Variants in PEMT observed in about 807,000 individuals in gnomAD.
PEMT encodes the protein phospholipid methyltransferase.
Under a neutral mutation model 27.4 loss-of-function variants are expected in PEMT, and 23 were observed. The observed-to-expected ratio is 0.84, with a 90% CI of 0.60 to 1.19. The LOEUF is 1.19. Ranked by LOEUF, PEMT falls within the 50% of genes most tolerant of loss-of-function variation. The pLI, the probability that PEMT is intolerant of heterozygous loss-of-function variation, is 0.00. For synonymous variants in PEMT, 137 were observed against 139.1 expected (o/e 0.98, Z 0.11); for missense variants, 307 against 310.1 (o/e 0.99, Z 0.07).
In PEMT at chr17:17,571,164, G is replaced by A. The variant is rs527973746; in HGVS notation, c.204+5756C>T. On this transcript the variant is annotated intron_variant, in intron 2 of 6. Coordinates refer to ENST00000255389, the MANE Select transcript of PEMT (RefSeq NM_148172.3). ...TACAAACATATCTGTGCTCTGGAAG[G>A]ACAGAGGTCATTCACTCTCTGAGGA... Among the ~76,000 whole-genome samples, 9 of 151,858 alleles carry A rather than the reference G, an allele frequency of 5.9e-5. No homozygotes were observed. The South Asian group carries it at 1.7e-3, about 28-fold the overall frequency.
At chr17:17,571,642 C>T (rs1911202167) in intron 2 of PEMT, among the ~76,000 whole-genome samples, 1 of 152,152 alleles carries the variant, frequency 6.6e-6, no homozygotes, top group Non-Finnish European at 1.5e-5. Flanking sequence ...GGGCCTGGGG[C>T]CAAGGCCCCT....
At chr17:17,524,883 G>A (rs1190732047) in intron 2 of PEMT, among the ~76,000 whole-genome samples, 2 of 152,204 alleles carry the variant, frequency 1.3e-5, no homozygotes, top group African/African-American at 2.4e-5. Flanking sequence ...GCCGAGGCAG[G>A]TGGATCATGA....
rs762263581 is a variant in PEMT at position 17,564,904 on chromosome 17, C to T, written c.204+12016G>A. ...ACACACACCCCTGCACTGCACACAC[C>T]GGGTGGGGTCCCTGCCTTGGGTCAT... On this transcript the variant is annotated intron_variant, in intron 2 of 6. Coordinates refer to ENST00000255389, the MANE Select transcript of PEMT (RefSeq NM_148172.3). 4.6e-5 allele frequency among the ~76,000 whole-genome samples: 7 copies of T among 152,240 alleles called. No individual in the cohort carries two copies. The South Asian group carries it at 6.2e-4, about 14-fold the overall frequency.
At chr17:17,506,385 G>T in intron 5 of PEMT, 84 bp from the exon 6 acceptor site, 1 of 1,097,266 alleles carries the variant, frequency 9.1e-7, no homozygotes, top group Non-Finnish European at 1.3e-6. Flanking sequence ...GGCCCTTCCT[G>T]CCGTGACCCT....
chr17:17,588,595 G>A (rs1447198986), intron 1 of PEMT, among the ~76,000 whole-genome samples: 1 of 152,118 alleles, frequency 6.6e-6, no homozygotes, highest in Non-Finnish European at 1.5e-5. Context: ...CACCAAGCTG[G>A]AGACATCATC....
chr17:17,560,344 G>A (rs1441310858), intron 2 of PEMT, among the ~76,000 whole-genome samples: 3 of 152,178 alleles, frequency 2.0e-5, no homozygotes, highest in Admixed American at 6.5e-5. Flanking sequence ...CCCCATCCCC[G>A]CCACTCGCCA....
At chr17:17,515,710 C>T (rs1906774483) in intron 3 of PEMT, among the ~76,000 whole-genome samples, 1 of 152,182 alleles carries the variant, frequency 6.6e-6, no homozygotes, top group South Asian at 2.1e-4. Flanking sequence ...TCCGTCCATT[C>T]CACAGGGAAA....
rs73978987 is a variant in PEMT at position 17,588,902 on chromosome 17, G to A, written c.96+2629C>T. On this transcript the variant is annotated intron_variant, in intron 1 of 6. Coordinates refer to ENST00000255389, the MANE Select transcript of PEMT (RefSeq NM_148172.3). ...AGGAGCAAAAGGGCCTTAGTCAGTG[G>A]GGCTGCAGCGGGCACACTCCTCACC... is the stretch of plus-strand genomic sequence containing the variant. 9.9e-3 allele frequency among the ~76,000 whole-genome samples: 1,509 copies of A among 152,346 alleles called. 28 individuals carry two copies. The highest frequency in any genetic ancestry group is 0.034 in the African/African-American group (1,405 of 41,590).
chr17:17,591,847 A>C, upstream of PEMT: 3 of 1,374,642 alleles, frequency 2.2e-6, no homozygotes, highest in Non-Finnish European at 9.4e-7. Context: ...TACAAGTCCC[A>C]GTGTGTTTCG....
intron 3 of PEMT, among the ~76,000 whole-genome samples, chr17:17,515,589 T>C (rs1350072635): frequency 6.6e-6 from 1 of 152,170 alleles, no homozygotes; most frequent in African/African-American, 2.4e-5. Flanking sequence ...AAGTGGCCCC[T>C]TACCCAGTCA....
chr17:17,555,089 G>A (rs1477999454), intron 2 of PEMT, among the ~76,000 whole-genome samples: 4 of 152,068 alleles, frequency 2.6e-5, no homozygotes, highest in African/African-American at 4.8e-5. Flanking sequence ...CCAACTCACT[G>A]GATTCTCACG....
intron 2 of PEMT, among the ~76,000 whole-genome samples, chr17:17,525,368 G>A (rs765376004): frequency 5.9e-5 from 9 of 152,222 alleles, no homozygotes; most frequent in East Asian, 1.9e-4. Context: ...CTGTTATTCC[G>A]AGGCAATCGA....
chr17:17,524,160 G>T (rs1907498395), intron 2 of PEMT, among the ~76,000 whole-genome samples: 1 of 152,232 alleles, frequency 6.6e-6, no homozygotes, highest in Admixed American at 6.5e-5. Flanking sequence ...TTCAGCAGCT[G>T]ATGGACACTT....
rs1249591442 is a variant in PEMT, at chr17:17,574,336, T to TTTA, written c.204+2583_204+2584insTAA. On this transcript the variant is annotated intron_variant, in intron 2 of 6. Coordinates refer to ENST00000255389, the MANE Select transcript of PEMT (RefSeq NM_148172.3). ...GCATCTTTTTTTTTTTTTTTTTTTTTAAAGACAGAGTCTCACTCTGTTACC... is the reference window on the plus strand; with the variant it reads ...GCATCTTTTTTTTTTTTTTTTTTTTTTTAAAAGACAGAGTCTCACTCTGTTACC... Among the ~76,000 whole-genome samples the TTTA allele has an allele frequency of 4.5e-5, 6 of 132,514 alleles. No individual in the cohort carries two copies. In the East Asian group the frequency reaches 6.9e-4, roughly 15 times the overall value. The allele number at this position is 132,514 out of a possible 152,430, so 86.9% of individuals were successfully genotyped here. A position where few individuals can be genotyped will look rare whatever the true frequency, so the allele number is the denominator to read the frequency against.
chr17:17,571,455 T>G, intron 2 of PEMT, among the ~76,000 whole-genome samples: 1 of 144,264 alleles, frequency 6.9e-6, no homozygotes, highest in African/African-American at 2.6e-5. Context: ...TCCAACAGAG[T>G]GGAGGAGATG....
intron 4 of PEMT, among the ~76,000 whole-genome samples, chr17:17,510,798 C>A (rs1597869556): frequency 6.6e-6 from 1 of 152,176 alleles, no homozygotes. Context: ...GGGGCTCCAC[C>A]CACCATCCTG....
intron 2 of PEMT, among the ~76,000 whole-genome samples, chr17:17,536,228 G>A (rs774546804): frequency 9.2e-5 from 14 of 152,220 alleles, no homozygotes; most frequent in Non-Finnish European, 1.9e-4. Flanking sequence ...GGGGACGTCC[G>A]ATAGTGTGCC....
chr17:17,580,810 C>T (rs1463893879), intron 1 of PEMT, among the ~76,000 whole-genome samples: 1 of 152,170 alleles, frequency 6.6e-6, no homozygotes, highest in Non-Finnish European at 1.5e-5. Flanking sequence ...ACACAACCAC[C>T]TAATCCACTC....
Position 17,512,362 on chromosome 17 carries a change from G to A in PEMT, c.466+147C>T. On this transcript the variant is annotated intron_variant, in intron 4 of 6. Transcript: ENST00000255389. This position sits in a 1 kb window ranked among gnomAD's most constrained non-coding sequence, Gnocchi z 6.3. ...CCTGTTCTAACCACAGACAAGCCAGGCCTGGAGGAGCAAAGACGCCCCGAT... is the reference window on the plus strand; with the variant it reads ...CCTGTTCTAACCACAGACAAGCCAGACCTGGAGGAGCAAAGACGCCCCGAT... 3.1e-6 allele frequency: 2 copies of A among 644,794 alleles called. No individual in the cohort carries two copies. The highest frequency in any genetic ancestry group is 4.9e-6 in the Non-Finnish European group (2 of 405,904). The allele number at this position is 644,794 out of a possible 1,614,324, so 39.9% of individuals were successfully genotyped here. A position where few individuals can be genotyped will look rare whatever the true frequency, so the allele number is the denominator to read the frequency against.
Sources: gnomAD v4.1 joint callset for allele counts (sites outside exome capture counted in the v4.1 genomes callset) on GRCh38, gnomAD v4.1.1 for gene constraint, Gnocchi (gnomAD v3.1) non-coding constraint, MANE v1.5 for transcripts, NCBI Gene and HGNC (gene_info 2026-07-23, HGNC 2026-07-21) for gene names.